Variants in GNA15 observed in about 807,000 individuals in gnomAD.
GNA15 encodes G protein subunit alpha 15, also known as guanine nucleotide-binding protein subunit alpha-15.
In GNA15, 23 loss-of-function variants were observed where a neutral mutation model predicts 40.1. The ratio of observed to expected loss-of-function variants is 0.57; its 90% CI spans 0.41 to 0.81. The LOEUF (loss-of-function observed/expected upper bound fraction) is 0.81, where lower values mean the gene tolerates loss of function less well. Ranked by LOEUF, GNA15 falls within the 40% of genes least tolerant of loss-of-function variation. The pLI is 0.00. For synonymous variants in GNA15, 226 were observed against 210.4 expected, an observed-to-expected ratio of 1.07 and a Z score of -0.64; for missense variants, 522 against 515.8, an observed-to-expected ratio of 1.01 and a Z score of -0.12.
intron 1 of GNA15, among the ~76,000 whole-genome samples, chr19:3,137,772 C>T (rs369987726): frequency 4.7e-5 from 7 of 150,124 alleles, no homozygotes; most frequent in South Asian, 2.1e-4. Flanking sequence ...CAGAGTGAGA[C>T]GCCATCTCAA....
At chr19:3,157,958 C>G in intron 6 of GNA15, 77 bp downstream of exon 6, 2 of 1,192,606 alleles carry the variant, frequency 1.7e-6, no homozygotes, top group Non-Finnish European at 2.5e-6. Flanking sequence ...CCAGACTCTA[C>G]TTCAGCCTGG....
chr19:3,156,561 C>T (rs1025731817), intron 5 of GNA15, among the ~76,000 whole-genome samples: 6 of 152,184 alleles, frequency 3.9e-5, no homozygotes, highest in Non-Finnish European at 7.3e-5. Context: ...GGCGCGATCT[C>T]GGCTCACTGG....
chr19:3,156,202 A>ACACACACACACT (rs57479390), intron 5 of GNA15, among the ~76,000 whole-genome samples: 68 of 143,338 alleles, frequency 4.7e-4, no homozygotes, highest in South Asian at 6.6e-4. Context: ...ACACACACAC[A>ACACACACACACT]CTACAGTGCA....
chr19:3,162,701 C>T, intron 6 of GNA15, 92 bp from the exon 7 acceptor site: 1 of 772,110 alleles, frequency 1.3e-6, no homozygotes, highest in Middle Eastern at 2.5e-4. Context: ...CCCTGGGTCC[C>T]TTCAGTGCTG....
intron 1 of GNA15, among the ~76,000 whole-genome samples, chr19:3,140,151 T>C (rs922771826): frequency 3.9e-5 from 6 of 152,142 alleles, no homozygotes; most frequent in Admixed American, 3.3e-4. Context: ...TGTCTTATTA[T>C]TTTAAATAAA....
At chr19:3,139,809 G>A (rs1350648789) in intron 1 of GNA15, among the ~76,000 whole-genome samples, 1 of 151,918 alleles carries the variant, frequency 6.6e-6, no homozygotes, top group African/African-American at 2.4e-5. Flanking sequence ...GCCGAGGAGG[G>A]TGGATCACGA....
Position 3,155,431 on chromosome 19 carries a change from C to G in GNA15, c.615-392C>G, listed in dbSNP as rs1044924990. On this transcript the variant is annotated intron_variant, in intron 4 of 6. Coordinates refer to ENST00000262958, the MANE Select transcript of GNA15 (RefSeq NM_002068.4). The surrounding 1 kb of genome is among the most constrained non-coding windows in gnomAD (Gnocchi z 5.6). ...GCCACTGGACATGCCCATGGCCAGC[C>G]AGAGCACAGGAGCCCCATAGCACAG... Among the ~76,000 whole-genome samples, 1 of 152,166 alleles carries G rather than the reference C, an allele frequency of 6.6e-6. No individual in the cohort carries two copies. Among genetic ancestry groups the G allele is most frequent in the African/African-American group, 2.4e-5 (1 of 41,442 alleles).
intron 1 of GNA15, among the ~76,000 whole-genome samples, chr19:3,147,871 G>C (rs144377197): frequency 0.07 from 8,866 of 127,046 alleles, 348 homozygotes; most frequent in East Asian, 0.19. Flanking sequence ...CTGGGTGACA[G>C]AGCAAGACTC....
intron 2 of GNA15, chr19:3,149,326 T>G (rs2144852156): frequency 6.2e-6 from 1 of 160,032 alleles, no homozygotes; most frequent in Non-Finnish European, 1.4e-5. Context: ...TGCATGCAAA[T>G]TCCCACATGC....
At position 3,137,652 on chromosome 19, in the gene GNA15, C is replaced by T. The variant is rs189884030; in HGVS notation, c.145+1057C>T. 1.4e-3 allele frequency among the ~76,000 whole-genome samples: 214 copies of T among 152,240 alleles called. 1 individual carries two copies. Among genetic ancestry groups the T allele is most frequent in the Admixed American group, 3.1e-3 (48 of 15,290 alleles). ...CAAAAATTAGCCAGATGTGGTGGTG[C>T]GTGCCTGTAGTCCCTGCTACTCGGG... On this transcript the variant is annotated intron_variant, in intron 1 of 6. Coordinates refer to ENST00000262958, the MANE Select transcript of GNA15 (RefSeq NM_002068.4).
chr19:3,139,598 C>CAA (rs35737557), intron 1 of GNA15, among the ~76,000 whole-genome samples: 64 of 105,326 alleles, frequency 6.1e-4, no homozygotes, highest in Admixed American at 2.2e-3. Context: ...GACTCTGTCT[C>CAA]AAAAAAAAAA....
Position 3,151,900 on chromosome 19 carries a change from G to T in GNA15, c.614+65G>T. 19 of 1,260,312 alleles carry T rather than the reference G, an allele frequency of 1.5e-5. No homozygotes were observed. Among genetic ancestry groups the T allele is most frequent in the Non-Finnish European group, 1.9e-5 (17 of 902,744 alleles). The allele number at this position is 1,260,312 out of a possible 1,614,324, so 78.1% of individuals were successfully genotyped here. A position where few individuals can be genotyped will look rare whatever the true frequency, so the allele number is the denominator to read the frequency against. ...GGCTTCCTGTAGGAAGGGCAAAGGA[G>T]CTGGGGCCCTGAGGGATGAGTAGGA... On this transcript the variant is annotated intron_variant, in intron 4 of 6. Transcript: ENST00000262958. This position sits in a 1 kb window ranked among gnomAD's most constrained non-coding sequence, Gnocchi z 5.0.
chr19:3,162,798 A>G lies in GNA15; in HGVS notation c.904A>G (p.Lys302Glu), dbSNP rs1357304874. 6 of 1,610,644 alleles carry G rather than the reference A, an allele frequency of 3.7e-6. No homozygotes were observed. The African/African-American group carries it at 6.7e-5, about 18-fold the overall frequency. The change falls in exon 7 of 7, where the codon AAG becomes GAG. Residue 302 changes from lysine (K) to glutamate (E), a missense_variant. By Grantham distance (56) the Lys-to-Glu change is moderately conservative. Transcript: ENST00000262958. ...TTCCCACACTGTTTCCCCAGGCCCT[A>G]AGCAGGATGCTGAGGCAGCCAAGAG... ...ATYFPSFQGP[K>E]QDAEAAKRFI...
chr19:3,150,977 C>T (rs929466611), intron 3 of GNA15, among the ~76,000 whole-genome samples: 1 of 151,660 alleles, frequency 6.6e-6, no homozygotes, highest in Admixed American at 6.6e-5. Flanking sequence ...TGGAGTGACC[C>T]TGTTCCTAGG....
rs557123786 is a variant in GNA15, at chr19:3,151,071, G to C, written c.486-636G>C. 1.1e-4 allele frequency among the ~76,000 whole-genome samples: 17 copies of C among 151,456 alleles called. No homozygotes were observed. The highest frequency in any genetic ancestry group is 8.9e-5 in the Non-Finnish European group (6 of 67,714). On this transcript the variant is annotated intron_variant, in intron 3 of 6. Transcript: ENST00000262958. The surrounding 1 kb of genome is among the most constrained non-coding windows in gnomAD (Gnocchi z 5.0). ...CTGTTCCTGGGGGGACCTTGTTCCT[G>C]GGGGAACCCTATTCCTAGAGAACCC...
At chr19:3,148,882 G>C (rs1914802512) in intron 2 of GNA15, 107 bp downstream of exon 2, 1 of 1,149,424 alleles carries the variant, frequency 8.7e-7, no homozygotes, top group African/African-American at 1.6e-5. Flanking sequence ...GCAGGGCAGG[G>C]CAGGGCAGGG....
intron 1 of GNA15, among the ~76,000 whole-genome samples, chr19:3,144,878 G>C (rs1352312114): frequency 6.6e-6 from 1 of 151,096 alleles, no homozygotes; most frequent in Non-Finnish European, 1.5e-5. Context: ...ACCCAGGTTG[G>C]AGTGCAGTGG....
chr19:3,136,855 C>CA lies in GNA15; in HGVS notation c.145+261dup, dbSNP rs1914469993. Among the ~76,000 whole-genome samples, 1 of 152,268 alleles carries CA rather than the reference C, an allele frequency of 6.6e-6. No individual in the cohort carries two copies. Among genetic ancestry groups the CA allele is most frequent in the Non-Finnish European group, 1.5e-5 (1 of 68,042 alleles). ...CCACTGTGTGGGGCATATACAATAG[C>CA]AGACGTGGCTCTACCGGGCCCCTGC... On this transcript the variant is annotated intron_variant, in intron 1 of 6. Coordinates refer to ENST00000262958, the MANE Select transcript of GNA15 (RefSeq NM_002068.4). The surrounding 1 kb of genome is among the most constrained non-coding windows in gnomAD (Gnocchi z 4.9).
At chr19:3,144,604 T>C (rs186624848) in intron 1 of GNA15, among the ~76,000 whole-genome samples, 1,506 of 137,284 alleles carry the variant, frequency 0.011, 14 homozygotes, top group Middle Eastern at 0.027. Context: ...TCTCGGCTCA[T>C]TGCAAGCTCC....
Sources: gnomAD v4.1 joint callset for allele counts (sites outside exome capture counted in the v4.1 genomes callset) on GRCh38, gnomAD v4.1.1 for gene constraint, Gnocchi (gnomAD v3.1) non-coding constraint, MANE v1.5 for transcripts, NCBI Gene and HGNC (gene_info 2026-07-23, HGNC 2026-07-21) for gene names.